The following FOXO1 variants were observed in gnomAD, a reference collection of about 807,000 sequenced individuals.
The protein encoded by FOXO1 is forkhead box O1, also known as forkhead box protein O1.
Under a neutral mutation model 44.1 loss-of-function variants are expected in FOXO1, and 6 were observed. The observed-to-expected ratio is 0.14, with a 90% CI of 0.07 to 0.27. FOXO1 has a LOEUF of 0.27. FOXO1 is among the 10% of genes least tolerant of loss of function. FOXO1 has a pLI of 1.00. For synonymous variants in FOXO1, 380 were observed against 362.7 expected, an observed-to-expected ratio of 1.05 and a Z score of -0.54; for missense variants, 737 against 888.8, an observed-to-expected ratio of 0.83 and a Z score of 2.17.
chr13:40,585,639 A>G (rs1875136086), intron 1 of FOXO1, among the ~76,000 whole-genome samples: 1 of 152,344 alleles, frequency 6.6e-6, no homozygotes, highest in Non-Finnish European at 1.5e-5. Context: ...ATGCGCTTTC[A>G]TGAGATGAAA....
intron 1 of FOXO1, among the ~76,000 whole-genome samples, chr13:40,591,598 C>A (rs949590601): frequency 6.6e-6 from 1 of 152,168 alleles, no homozygotes; most frequent in African/African-American, 2.4e-5. Flanking sequence ...GCAGATGATA[C>A]ATTCTGGGTG....
Position 40,665,925 on chromosome 13 carries a change from C to A in FOXO1, c.288G>T (p.Ala96=). 1 of 1,206,670 alleles carries A rather than the reference C, an allele frequency of 8.3e-7. No individual in the cohort carries two copies. Among genetic ancestry groups the A allele is most frequent in the East Asian group, 3.4e-5 (1 of 29,114 alleles). The allele number at this position is 1,206,670 out of a possible 1,614,324, so 74.7% of individuals were successfully genotyped here. A position where few individuals can be genotyped will look rare whatever the true frequency, so the allele number is the denominator to read the frequency against. ...CCCCGGTGGCGGCCGCGGCGGCCGC[C>A]GCCGCCACCGCCGCCGCCACGGAGC... The part of the protein sequence containing the change: ...APGSVAAAVA[A]AAAAAATGGL... The change falls in exon 1 of 3, where the codon GCG becomes GCT. Residue 96 remains alanine (A), a synonymous_variant. Coordinates refer to ENST00000379561, the MANE Select transcript of FOXO1 (RefSeq NM_002015.4).
chr13:40,623,537 G>T (rs1182180375), intron 1 of FOXO1, among the ~76,000 whole-genome samples: 2 of 152,058 alleles, frequency 1.3e-5, no homozygotes, highest in African/African-American at 4.8e-5. Flanking sequence ...TTTTTAATGG[G>T]GAAATGTGTT....
chr13:40,627,337 T>C (rs544041972), intron 1 of FOXO1, among the ~76,000 whole-genome samples: 4 of 152,214 alleles, frequency 2.6e-5, no homozygotes, highest in African/African-American at 9.7e-5. Context: ...TGGTCTGGCT[T>C]CTTCCAAGGT....
Position 40,666,069 on chromosome 13 carries a change from C to T in FOXO1, c.144G>A (p.Ala48=). ...ATSSPAPSGS[A]AANPDAAAGL... is the part of the protein sequence containing the mutation. Reference sequence around the variant, plus strand: ...CCGCCGCGGCGTCGGGGTTGGCAGCCGCGCTGCCCGACGGCGCCGGGCTGG... The same window carrying T: ...CCGCCGCGGCGTCGGGGTTGGCAGCTGCGCTGCCCGACGGCGCCGGGCTGG... Residue 48 remains alanine (A), a synonymous_variant, in exon 1 of 3, where the codon GCG becomes GCA. Transcript: ENST00000379561. The T allele has an allele frequency of 7.5e-7, 1 of 1,325,016 alleles. No individual in the cohort carries two copies. Among genetic ancestry groups the T allele is most frequent in the Non-Finnish European group, 9.6e-7 (1 of 1,040,424 alleles). The allele number at this position is 1,325,016 out of a possible 1,614,324, so 82.1% of individuals were successfully genotyped here. A position where few individuals can be genotyped will look rare whatever the true frequency, so the allele number is the denominator to read the frequency against.
chr13:40,564,683 A>C lies in FOXO1; in HGVS notation c.631-3823T>G, dbSNP rs9566549. On this transcript the variant is annotated intron_variant, in intron 1 of 2. Coordinates refer to ENST00000379561, the MANE Select transcript of FOXO1 (RefSeq NM_002015.4). ...TGAAATATTATGCCCTTGAACTCTC[A>C]ACAAATATTACCTGAGGACAGAGGC... Among the ~76,000 whole-genome samples the C allele has an allele frequency of 1.1e-3, 169 of 152,310 alleles. 4 individuals carry two copies. In the East Asian group the frequency reaches 0.02, roughly 18 times the overall value.
At chr13:40,615,181 A>G (rs777482662) in intron 1 of FOXO1, among the ~76,000 whole-genome samples, 6 of 152,188 alleles carry the variant, frequency 3.9e-5, no homozygotes, top group Non-Finnish European at 5.9e-5. Flanking sequence ...CCTCTGCTCT[A>G]TGGTGGGGGA....
chr13:40,619,653 G>A, intron 1 of FOXO1: 1 of 1,537,632 alleles, frequency 6.5e-7, no homozygotes, highest in Non-Finnish European at 9.0e-7. Flanking sequence ...AAACCTCAGT[G>A]AATTTCAATG....
In FOXO1 at chr13:40,666,633, T is replaced by A. The variant is rs1469679747; in HGVS notation, c.-421A>T. ...GCTGCGACTACCAGGCCGCCCGACTTACGGGATCTGCCGCCGCCCCCCGCC... is the reference window on the plus strand; with the variant it reads ...GCTGCGACTACCAGGCCGCCCGACTAACGGGATCTGCCGCCGCCCCCCGCC... On this transcript the variant is annotated 5_prime_UTR_variant, in exon 1 of 3. Coordinates refer to ENST00000379561, the MANE Select transcript of FOXO1 (RefSeq NM_002015.4). 1.1e-5 allele frequency: 2 copies of A among 174,464 alleles called. No homozygotes were observed. The highest frequency in any genetic ancestry group is 4.8e-5 in the African/African-American group (2 of 41,904). 10.8% of individuals were successfully genotyped at this position (174,464 alleles called of 1,614,324 possible). A position where few individuals can be genotyped will look rare whatever the true frequency, so the allele number is the denominator to read the frequency against.
chr13:40,641,988 A>AAAAT (rs1403128978), intron 1 of FOXO1, among the ~76,000 whole-genome samples: 20 of 152,254 alleles, frequency 1.3e-4, no homozygotes, highest in African/African-American at 3.6e-4. Context: ...TCCATCTCAA[A>AAAAT]AAATAAATAA....
At chr13:40,596,725 A>C (rs1017236803) in intron 1 of FOXO1, among the ~76,000 whole-genome samples, 1 of 152,176 alleles carries the variant, frequency 6.6e-6, no homozygotes, top group African/African-American at 2.4e-5. Flanking sequence ...CTCTGTTCTC[A>C]ATGAAAACGG....
At chr13:40,640,991 C>T (rs986766209) in intron 1 of FOXO1, among the ~76,000 whole-genome samples, 2 of 152,232 alleles carry the variant, frequency 1.3e-5, no homozygotes, top group Admixed American at 1.3e-4. Flanking sequence ...ACCATGTTGG[C>T]CAGGCTGGTC....
intron 1 of FOXO1, among the ~76,000 whole-genome samples, chr13:40,662,381 G>A (rs1593420303): frequency 6.6e-6 from 1 of 151,830 alleles, no homozygotes; most frequent in Non-Finnish European, 1.5e-5. Flanking sequence ...CACTTCCCAA[G>A]CTTTAGAAGG....
At chr13:40,616,972 A>G (rs1876443451) in intron 1 of FOXO1, among the ~76,000 whole-genome samples, 1 of 152,234 alleles carries the variant, frequency 6.6e-6, no homozygotes, top group Admixed American at 6.5e-5. Context: ...CTTTATGCTA[A>G]CATGTGAATA....
intron 1 of FOXO1, among the ~76,000 whole-genome samples, chr13:40,654,445 G>A (rs1182168110): frequency 6.9e-6 from 1 of 145,276 alleles, no homozygotes; most frequent in Non-Finnish European, 1.5e-5. Flanking sequence ...AGGTTGCAGT[G>A]AACCGAGATG....
chr13:40,561,973 A>G (rs981317977), intron 1 of FOXO1, among the ~76,000 whole-genome samples: 1 of 151,846 alleles, frequency 6.6e-6, no homozygotes, highest in Non-Finnish European at 1.5e-5. Context: ...GAATATAGAA[A>G]TATAGAGCTG....
intron 1 of FOXO1, among the ~76,000 whole-genome samples, chr13:40,591,467 A>G (rs1321148512): frequency 1.3e-5 from 2 of 152,120 alleles, no homozygotes; most frequent in Non-Finnish European, 2.9e-5. Context: ...CCAGGAATGG[A>G]GAAGTACAAA....
intron 1 of FOXO1, among the ~76,000 whole-genome samples, chr13:40,643,440 T>C (rs1478544486): frequency 6.6e-6 from 1 of 152,150 alleles, no homozygotes; most frequent in African/African-American, 2.4e-5. Flanking sequence ...CTGGGTGTAT[T>C]TCCTCCCGAG....
intron 1 of FOXO1, among the ~76,000 whole-genome samples, chr13:40,662,170 CAAAAAA>C (rs57350461): frequency 7.1e-5 from 4 of 56,722 alleles, no homozygotes; most frequent in African/African-American, 1.2e-4. Flanking sequence ...GACTCTGACT[CAAAAAA>C]AAAAAAAAAA....
Sources: allele counts gnomAD v4.1 joint callset (sites outside exome capture counted in the v4.1 genomes callset), GRCh38; gene constraint gnomAD v4.1.1; transcripts MANE v1.5; gene names NCBI Gene and HGNC (gene_info 2026-07-23, HGNC 2026-07-21).